Variants in MKLN1 observed in about 807,000 individuals in gnomAD.
MKLN1 encodes the protein muskelin.
In MKLN1, 18 loss-of-function variants were observed where a neutral mutation model predicts 99.0. The ratio of observed to expected loss-of-function variants is 0.18; its 90% CI spans 0.13 to 0.27. The LOEUF (loss-of-function observed/expected upper bound fraction) is 0.27, where lower values mean the gene tolerates loss of function less well. MKLN1 is among the 10% of genes least tolerant of loss of function. The probability of loss-of-function intolerance (pLI) is 1.00; values close to 1 mark genes in which losing one functional copy is unlikely to be tolerated. For missense variants in MKLN1, 621 were observed against 875.9 expected, an observed-to-expected ratio of 0.71 and a Z score of 3.67; for synonymous variants, 288 against 293.2, an observed-to-expected ratio of 0.98 and a Z score of 0.18.
At chr7:131,475,390 A>G (rs1211493451) in intron 16 of MKLN1, among the ~76,000 whole-genome samples, 4 of 152,226 alleles carry the variant, frequency 2.6e-5, no homozygotes, top group South Asian at 4.1e-4. Context: ...CTCTAGGCCC[A>G]TAATAGCAGT....
chr7:131,126,213 T>TGA (rs1420168397), intron 1 of MKLN1, among the ~76,000 whole-genome samples: 1 of 152,000 alleles, frequency 6.6e-6, no homozygotes, highest in Non-Finnish European at 1.5e-5. Context: ...CTCAGATCCG[T>TGA]GAGACCCATG....
At chr7:131,375,603 T>C (rs897104859) in intron 2 of MKLN1, 110 bp downstream of exon 2, 1 of 677,652 alleles carries the variant, frequency 1.5e-6, no homozygotes, top group Non-Finnish European at 2.5e-6. Context: ...TTTTTGAGAT[T>C]GTGAGGTAAA....
chr7:131,124,509 T>TA (rs780528201), intron 1 of MKLN1, among the ~76,000 whole-genome samples: 4 of 152,160 alleles, frequency 2.6e-5, no homozygotes, highest in Non-Finnish European at 5.9e-5. Flanking sequence ...CCCCAGTACT[T>TA]AAACGCTGGC....
chr7:131,459,344 T>C (rs569430488), intron 12 of MKLN1, among the ~76,000 whole-genome samples: 18 of 152,330 alleles, frequency 1.2e-4, no homozygotes, highest in African/African-American at 4.3e-4. Context: ...GATCAGTAAT[T>C]CTAGTTTTTA....
At chr7:131,153,031 A>T (rs1311169764) in intron 2 of MKLN1, among the ~76,000 whole-genome samples, 3 of 141,968 alleles carry the variant, frequency 2.1e-5, no homozygotes, top group African/African-American at 7.8e-5. Flanking sequence ...ATATATATAT[A>T]TATTTTTTTT....
intron 3 of MKLN1, among the ~76,000 whole-genome samples, chr7:131,275,558 TATATATATA>T (rs1369146521): frequency 7.5e-4 from 21 of 28,128 alleles, no homozygotes; most frequent in African/African-American, 1.8e-3. Context: ...TATATATATA[TATATATATA>T]TTTTTTTTTT....
At position 131,493,400 on chromosome 7, in the gene MKLN1, C is replaced by G. The variant is rs1168822693; in HGVS notation, c.*5672C>G. On this transcript the variant is annotated 3_prime_UTR_variant, in exon 18 of 18. Transcript: ENST00000352689. ...TTATGGATTTTAGAGGTCCACAAAT[C>G]GAAAGGAAAAATAAATTTCTTCATT... is the stretch of plus-strand genomic sequence containing the variant. 6.6e-6 allele frequency: 1 copy of G among 151,994 alleles called. No individual in the cohort carries two copies. Among genetic ancestry groups the G allele is most frequent in the Non-Finnish European group, 1.5e-5 (1 of 67,994 alleles). The allele number at this position is 151,994 out of a possible 1,614,324, so 9.4% of individuals were successfully genotyped here. A position where few individuals can be genotyped will look rare whatever the true frequency, so the allele number is the denominator to read the frequency against.
chr7:131,445,947 T>G, intron 12 of MKLN1, 44 bp downstream of exon 12: 2 of 1,410,382 alleles, frequency 1.4e-6, no homozygotes, highest in Non-Finnish European at 1.9e-6. Context: ...TTAACTACTT[T>G]AGGTAGAAAA....
chr7:131,284,951 G>A lies in MKLN1; in HGVS notation c.-179+81977G>A, dbSNP rs528076840. 4.6e-5 allele frequency: 7 copies of A among 152,346 alleles called. No individual in the cohort carries two copies. The South Asian group carries it at 1.2e-3, about 27-fold the overall frequency. 9.4% of individuals were successfully genotyped at this position (152,346 alleles called of 1,614,324 possible). On this transcript the variant is annotated intron_variant, in intron 3 of 7. Transcript: ENST00000416992. ...GTTATTACTGCTTCAGGAAAATGCT[G>A]CCAGCTTCCTGGCAGGGCCTGGAAG...
At position 131,457,646 on chromosome 7, in the gene MKLN1, G is replaced by A. The variant is rs373704636; in HGVS notation, c.1526-5571G>A. Among the ~76,000 whole-genome samples the A allele has an allele frequency of 2.0e-5, 3 of 152,128 alleles. No individual in the cohort carries two copies. The East Asian group carries it at 5.8e-4, about 30-fold the overall frequency. On this transcript the variant is annotated intron_variant, in intron 12 of 17. Transcript: ENST00000352689. The stretch of plus-strand genomic sequence containing the variant: ...AATAAAAATTTAAGCCCGGGCACGG[G>A]GGCTCACACCTGTAATCCCAGCACT...
At chr7:131,412,400 C>T (rs1182283899) in intron 7 of MKLN1, among the ~76,000 whole-genome samples, 1 of 152,086 alleles carries the variant, frequency 6.6e-6, no homozygotes, top group Non-Finnish European at 1.5e-5. Context: ...AGGCAGAAGA[C>T]CATTCTAAAT....
At chr7:131,158,171 C>A (rs1002050918) in intron 2 of MKLN1, among the ~76,000 whole-genome samples, 1 of 152,102 alleles carries the variant, frequency 6.6e-6, no homozygotes, top group Non-Finnish European at 1.5e-5. Context: ...TTAGGCCAGG[C>A]GCTCAAGCCT....
intron 15 of MKLN1, 21 bp from the exon 16 acceptor site, chr7:131,470,821 A>G (rs1796799706): frequency 1.4e-6 from 2 of 1,440,618 alleles, no homozygotes; most frequent in Non-Finnish European, 2.0e-6. Flanking sequence ...CCAGATAATT[A>G]TCCTTGTGTA....
intron 1 of MKLN1, among the ~76,000 whole-genome samples, chr7:131,333,338 G>A (rs1306982963): frequency 1.3e-5 from 2 of 152,152 alleles, no homozygotes. Flanking sequence ...GTGCCCCAAA[G>A]TGCTGCGATT....
intron 10 of MKLN1, among the ~76,000 whole-genome samples, 197 bp downstream of exon 10, chr7:131,438,194 A>C (rs1205226945): frequency 6.6e-6 from 1 of 152,132 alleles, no homozygotes; most frequent in Non-Finnish European, 1.5e-5. Context: ...GCAGGGTAGA[A>C]TATGAAGATC....
At chr7:131,170,195 A>T (rs1796196551) in intron 2 of MKLN1, among the ~76,000 whole-genome samples, 2 of 152,210 alleles carry the variant, frequency 1.3e-5, no homozygotes. Context: ...TTGAGAATTT[A>T]CTGTGAGCCA....
intron 15 of MKLN1, among the ~76,000 whole-genome samples, chr7:131,470,579 A>G (rs1796790638): frequency 1.3e-5 from 2 of 152,180 alleles, no homozygotes; most frequent in Non-Finnish European, 2.9e-5. Context: ...TAGTTTTAAG[A>G]GAAGATAGGA....
chr7:131,253,962 A>C (rs955765592), intron 3 of MKLN1, among the ~76,000 whole-genome samples: 1 of 152,222 alleles, frequency 6.6e-6, no homozygotes, highest in Non-Finnish European at 1.5e-5. Context: ...CTGACCTCAA[A>C]AACTACCCCA....
chr7:131,276,258 T>C (rs1403159687), intron 3 of MKLN1, among the ~76,000 whole-genome samples: 1 of 151,888 alleles, frequency 6.6e-6, no homozygotes, highest in Non-Finnish European at 1.5e-5. Context: ...GCACAAAAGG[T>C]TGGGAGAAAA....
Sources: gnomAD v4.1 joint callset for allele counts (sites outside exome capture counted in the v4.1 genomes callset) on GRCh38, gnomAD v4.1.1 for gene constraint, MANE v1.5 for transcripts, NCBI Gene and HGNC (gene_info 2026-07-23, HGNC 2026-07-21) for gene names.